CLEC16A: variants seen among roughly 807,000 people sequenced by gnomAD.
CLEC16A encodes C-type lectin domain containing 16A, also known as protein CLEC16A.
CLEC16A carries 51 observed loss-of-function variants against 109.5 expected under a neutral mutation model. That is an observed-to-expected ratio of 0.47 (90% CI 0.37 to 0.59). The LOEUF is 0.59. Ranked by LOEUF, CLEC16A falls within the 20% of genes least tolerant of loss-of-function variation. The pLI is 0.00. For synonymous variants in CLEC16A, 673 were observed against 564.2 expected, an observed-to-expected ratio of 1.19 and a Z score of -2.73; for missense variants, 1,339 against 1,394.0, an observed-to-expected ratio of 0.96 and a Z score of 0.63.
chr16:11,100,807 CT>C (rs2050872352), intron 19 of CLEC16A, among the ~76,000 whole-genome samples: 1 of 152,186 alleles, frequency 6.6e-6, no homozygotes. Context: ...TTGCAAGTGG[CT>C]GGAACTTTTG....
In CLEC16A at chr16:11,125,904, T is replaced by TC. The variant is rs3214361; in HGVS notation, c.2474-65dup. The TC allele has an allele frequency of 7.4e-3, 1,347 of 181,908 alleles. 2 individuals carry two copies. The highest frequency in any genetic ancestry group is 0.012 in the Middle Eastern group (4 of 340). 11.3% of individuals were successfully genotyped at this position (181,908 alleles called of 1,614,324 possible). ...TGGCAGGGCCACAGCCACTACGATG[T>TC]CCCCCCCCCCAAATTCTCACCACCC... On this transcript the variant is annotated intron_variant, in intron 21 of 23. Coordinates refer to ENST00000409790, the MANE Select transcript of CLEC16A (RefSeq NM_015226.3).
intron 19 of CLEC16A, among the ~76,000 whole-genome samples, chr16:11,099,663 T>A (rs1003174098): frequency 4.6e-5 from 7 of 152,172 alleles, no homozygotes; most frequent in Admixed American, 4.6e-4. Flanking sequence ...TGTGGCTGCA[T>A]GCTGTCAACT....
intron 19 of CLEC16A, among the ~76,000 whole-genome samples, chr16:11,100,706 C>T (rs565602044): frequency 1.4e-4 from 21 of 152,290 alleles, no homozygotes; most frequent in Admixed American, 1.4e-3. Context: ...ACTGCCTGGG[C>T]TGGGTGGTTT....
At chr16:10,973,202 G>A (rs1201661913) in intron 7 of CLEC16A, 141 bp downstream of exon 7, 1 of 927,240 alleles carries the variant, frequency 1.1e-6, no homozygotes, top group Non-Finnish European at 1.5e-6. Flanking sequence ...TACTGTAAAA[G>A]GTCCTGCTCA....
At chr16:11,177,507 C>T (rs904493283) in intron 23 of CLEC16A, among the ~76,000 whole-genome samples, 2 of 151,022 alleles carry the variant, frequency 1.3e-5, no homozygotes, top group African/African-American at 4.9e-5. Context: ...GGCTGAGGCA[C>T]GAGAATCACT....
At position 10,948,448 on chromosome 16, in the gene CLEC16A, A is replaced by G. The variant is rs572835977; in HGVS notation, c.80+3651A>G. ...GTCAAGAGGTTATTTGCTACACACC[A>G]TGGGTGGTTTATTGTCCAGATTAGT... is the stretch of plus-strand genomic sequence containing the variant. On this transcript the variant is annotated intron_variant, in intron 1 of 23. Coordinates refer to ENST00000409790, the MANE Select transcript of CLEC16A (RefSeq NM_015226.3). 2.0e-5 allele frequency among the ~76,000 whole-genome samples: 3 copies of G among 152,332 alleles called. No individual in the cohort carries two copies. The South Asian group carries it at 6.2e-4, about 32-fold the overall frequency.
rs988357773 is a variant in CLEC16A, at chr16:11,180,100, A to G, written c.*1410A>G. The stretch of plus-strand genomic sequence containing the variant: ...GATGTGCCCACCAGGGGCATTAGGT[A>G]TCCGCCGGAGCCTGGCCATAGGGTA... On this transcript the variant is annotated 3_prime_UTR_variant, in exon 24 of 24. Coordinates refer to ENST00000409790, the MANE Select transcript of CLEC16A (RefSeq NM_015226.3). 6.6e-6 allele frequency: 1 copy of G among 152,248 alleles called. No homozygotes were observed. Among genetic ancestry groups the G allele is most frequent in the African/African-American group, 2.4e-5 (1 of 41,426 alleles). 9.4% of individuals were successfully genotyped at this position (152,248 alleles called of 1,614,324 possible).
At chr16:11,160,218 A>G (rs1372014679) in intron 22 of CLEC16A, among the ~76,000 whole-genome samples, 1 of 152,180 alleles carries the variant, frequency 6.6e-6, no homozygotes, top group Non-Finnish European at 1.5e-5. Flanking sequence ...CAGGCCACAG[A>G]GGTCGGGGGG....
At chr16:11,156,514 C>T (rs2153084521) in intron 22 of CLEC16A, 2 of 1,054,606 alleles carry the variant, frequency 1.9e-6, no homozygotes, top group South Asian at 1.3e-5. Context: ...TCAGTGAGCG[C>T]CTGTGCCTGG....
intron 22 of CLEC16A, among the ~76,000 whole-genome samples, chr16:11,129,759 T>A (rs1252670932): frequency 7.2e-6 from 1 of 138,414 alleles, no homozygotes; most frequent in Non-Finnish European, 1.5e-5. Context: ...ATTGGCCTGG[T>A]TCCTTTTTTT....
chr16:11,011,873 T>G (rs1168421675), intron 11 of CLEC16A, among the ~76,000 whole-genome samples: 1 of 151,752 alleles, frequency 6.6e-6, no homozygotes. Flanking sequence ...TGTATGTTTC[T>G]TCTTGTACAC....
chr16:10,972,436 C>T, intron 5 of CLEC16A, 118 bp from the exon 6 acceptor site: 1 of 853,190 alleles, frequency 1.2e-6, no homozygotes, highest in South Asian at 1.4e-5. Flanking sequence ...GCAGATGCCT[C>T]CCACCCTAGT....
At chr16:11,058,839 A>G (rs2048340349) in intron 18 of CLEC16A, among the ~76,000 whole-genome samples, 1 of 152,222 alleles carries the variant, frequency 6.6e-6, no homozygotes, top group Non-Finnish European at 1.5e-5. Flanking sequence ...CCCAAGAGGA[A>G]CAGGCGTTTG....
At chr16:11,154,769 A>G (rs2054440810) in intron 22 of CLEC16A, among the ~76,000 whole-genome samples, 1 of 151,990 alleles carries the variant, frequency 6.6e-6, no homozygotes, top group Non-Finnish European at 1.5e-5. Flanking sequence ...TACTAAAAAT[A>G]CAAAAAAATT....
intron 2 of CLEC16A, 81 bp downstream of exon 2, chr16:10,957,991 A>T (rs1365875158): frequency 2.2e-6 from 3 of 1,381,832 alleles, no homozygotes; most frequent in Non-Finnish European, 2.0e-6. Context: ...GTCATTCTGG[A>T]TGATGTCAGG....
chr16:11,123,049 G>A (rs1397038504), intron 20 of CLEC16A, among the ~76,000 whole-genome samples: 2 of 151,638 alleles, frequency 1.3e-5, no homozygotes, highest in East Asian at 1.9e-4. Flanking sequence ...AACTACAAGC[G>A]CACGCCACCA....
At chr16:11,081,504 A>G (rs563035342) in intron 19 of CLEC16A, among the ~76,000 whole-genome samples, 1 of 151,826 alleles carries the variant, frequency 6.6e-6, no homozygotes, top group African/African-American at 2.4e-5. Context: ...ACGTCTCCCC[A>G]AGCTCTCCTT....
At chr16:11,083,592 C>G (rs933526603) in intron 19 of CLEC16A, among the ~76,000 whole-genome samples, 4 of 152,242 alleles carry the variant, frequency 2.6e-5, no homozygotes, top group Admixed American at 2.6e-4. Flanking sequence ...AGCTTCACCT[C>G]CTCTCACTCC....
chr16:10,957,925 T>A lies in CLEC16A; in HGVS notation c.209+15T>A. ...TCTGTATTTGAGTAAGGGTTTCTAA[T>A]GATTGCTGTTCTTTGATTATTCTTC... On this transcript the variant is annotated intron_variant, in intron 2 of 23. Coordinates refer to ENST00000409790, the MANE Select transcript of CLEC16A (RefSeq NM_015226.3). 6.2e-7 allele frequency: 1 copy of A among 1,611,440 alleles called. No individual in the cohort carries two copies. Among genetic ancestry groups the A allele is most frequent in the Non-Finnish European group, 8.5e-7 (1 of 1,178,166 alleles).
Sources: gnomAD v4.1 joint callset for allele counts (sites outside exome capture counted in the v4.1 genomes callset) on GRCh38, gnomAD v4.1.1 for gene constraint, MANE v1.5 for transcripts, NCBI Gene and HGNC (gene_info 2026-07-23, HGNC 2026-07-21) for gene names.